The following TET3 variants were observed in gnomAD, a reference collection of about 807,000 sequenced individuals.
The protein encoded by TET3 is methylcytosine dioxygenase TET3.
TET3 carries 19 observed loss-of-function variants against 141.4 expected under a neutral mutation model. The observed-to-expected ratio is 0.13, with a 90% CI of 0.09 to 0.20. TET3 has a LOEUF of 0.20. TET3 is among the 10% of genes least tolerant of loss of function. TET3 has a pLI of 1.00. For synonymous variants in TET3, 1,043 were observed against 980.9 expected (o/e 1.06, Z -1.18); for missense variants, 1,874 against 2,356.9 (o/e 0.80, Z 4.24).
chr2:74,110,623 C>A (rs897501464), downstream of TET3, among the ~76,000 whole-genome samples: 2 of 152,028 alleles, frequency 1.3e-5, no homozygotes, highest in African/African-American at 2.4e-5. Flanking sequence ...ATTCTAGATA[C>A]CCCCCAGCAC....
intron 3 of TET3, among the ~76,000 whole-genome samples, chr2:74,035,539 C>A (rs1390159415): frequency 4.7e-5 from 7 of 150,396 alleles, no homozygotes; most frequent in Admixed American, 4.0e-4. Flanking sequence ...GCAGCTTGAC[C>A]AACATGGTGA....
intron 6 of TET3, among the ~76,000 whole-genome samples, chr2:74,083,917 G>C (rs1008276544): frequency 6.6e-6 from 1 of 152,126 alleles, no homozygotes; most frequent in Non-Finnish European, 1.5e-5. Context: ...ATAGTGCCTC[G>C]CAAACCCTAG....
Position 73,989,677 on chromosome 2 carries a change from G to C in TET3, c.303+2971G>C, listed in dbSNP as rs560509641. Reference sequence around the variant, plus strand: ...CTCTGGGTCCTAATGTGAGGTTGGGGCAGGTTGGTAGTAGCTGTGGTCTTC... The same window carrying C: ...CTCTGGGTCCTAATGTGAGGTTGGGCCAGGTTGGTAGTAGCTGTGGTCTTC... On this transcript the variant is annotated intron_variant, in intron 2 of 11. Coordinates refer to ENST00000409262, the MANE Select transcript of TET3 (RefSeq NM_001287491.2). Among the ~76,000 whole-genome samples the C allele has an allele frequency of 2.2e-4, 33 of 152,262 alleles. 2 individuals are homozygous for C. In the South Asian group the frequency reaches 6.8e-3, roughly 32 times the overall value.
In TET3 at chr2:74,100,510, C is replaced by T. The variant is rs773936903; in HGVS notation, c.3722C>T (p.Ser1241Leu). 13 of 1,606,780 alleles carry T rather than the reference C, an allele frequency of 8.1e-6. No individual in the cohort carries two copies. The highest frequency in any genetic ancestry group is 1.0e-5 in the Non-Finnish European group (12 of 1,176,750). The change falls in exon 12 of 12, where the codon TCG becomes TTG. Residue 1241 changes from serine (S) to leucine (L), a missense_variant. Ser to Leu is a moderately radical substitution (Grantham distance 145). Transcript: ENST00000409262. ...GGCAACGCGGTGGTGGAGAGCTACT[C>T]GGTGCTGGGCAACTGCCGGCCCTCC... ...YSGNAVVESY[S>L]VLGNCRPSDP...
At chr2:74,036,572 G>A (rs958822015) in intron 3 of TET3, among the ~76,000 whole-genome samples, 2 of 152,264 alleles carry the variant, frequency 1.3e-5, no homozygotes, top group East Asian at 3.9e-4. Flanking sequence ...AAAAATGGCT[G>A]TGCTCTTCCA....
intron 4 of TET3, among the ~76,000 whole-genome samples, chr2:74,070,519 G>A (rs930997481): frequency 1.2e-4 from 18 of 152,288 alleles, no homozygotes; most frequent in African/African-American, 9.6e-5. Context: ...TATCATCTGC[G>A]CTGTGCTGCT....
rs148646838 is a variant in TET3 at position 74,047,617 on chromosome 2, T to C, written c.1700T>C (p.Val567Ala). The change falls in exon 4 of 12, where the codon GTC becomes GCC. Residue 567 changes from valine to alanine, a missense_variant. Coordinates refer to ENST00000409262, the MANE Select transcript of TET3 (RefSeq NM_001287491.2). ...TGGTGGCCCCCACCAAGTTCACCTG[T>C]CCCACGGCTTCCAGACAGACCACCC... Reference protein sequence around the residue: ...PGWWPPPSSPVPRLPDRPPKE... With the variant: ...PGWWPPPSSPAPRLPDRPPKE... 1.3e-3 allele frequency: 2,075 copies of C among 1,613,632 alleles called. 29 individuals are homozygous for C. The African/African-American group carries it at 0.024, about 18-fold the overall frequency.
chr2:74,026,300 G>T (rs369910702), intron 3 of TET3, among the ~76,000 whole-genome samples: 6 of 152,184 alleles, frequency 3.9e-5, no homozygotes, highest in Non-Finnish European at 5.9e-5. Flanking sequence ...GGGCCCAGCC[G>T]CTGCTTTCTG....
chr2:74,090,127 G>C (rs1690395409), intron 8 of TET3, 80 bp downstream of exon 8: 1 of 1,564,680 alleles, frequency 6.4e-7, no homozygotes, highest in Non-Finnish European at 8.7e-7. Context: ...AGGTAGTACT[G>C]GCACGCCATG....
intron 3 of TET3, among the ~76,000 whole-genome samples, chr2:74,007,138 T>C (rs1685193102): frequency 6.6e-6 from 1 of 152,214 alleles, no homozygotes; most frequent in African/African-American, 2.4e-5. Context: ...TACCTGAAAT[T>C]ATAACTCTTG....
intron 3 of TET3, among the ~76,000 whole-genome samples, chr2:74,042,917 TTTCCC>T (rs1431212216): frequency 1.3e-5 from 2 of 152,236 alleles, no homozygotes; most frequent in Non-Finnish European, 2.9e-5. Flanking sequence ...TACATCTACT[TTTCCC>T]TTTCTCCTCT....
chr2:74,018,809 G>T (rs895421260), intron 3 of TET3, among the ~76,000 whole-genome samples: 1 of 148,500 alleles, frequency 6.7e-6, no homozygotes, highest in Non-Finnish European at 1.5e-5. Flanking sequence ...CATGTTCTGC[G>T]AAAAATACTG....
chr2:74,009,770 T>TAG (rs1685330024), intron 3 of TET3, among the ~76,000 whole-genome samples: 1 of 152,224 alleles, frequency 6.6e-6, no homozygotes, highest in Non-Finnish European at 1.5e-5. Context: ...CCCAGGGCTC[T>TAG]ATGTCAATCA....
At chr2:74,069,677 C>A (rs1280275118) in intron 4 of TET3, among the ~76,000 whole-genome samples, 2 of 151,884 alleles carry the variant, frequency 1.3e-5, no homozygotes, top group African/African-American at 2.4e-5. Context: ...GCCTTGAACT[C>A]CTGGTATCAA....
chr2:74,115,342 T>G, the TET3 span, among the ~76,000 whole-genome samples: 1 of 152,232 alleles, frequency 6.6e-6, no homozygotes, highest in Non-Finnish European at 1.5e-5. Context: ...TACCACATGT[T>G]CTCACTTATA....
chr2:74,027,302 G>C (rs541404073), intron 3 of TET3, among the ~76,000 whole-genome samples: 55 of 150,304 alleles, frequency 3.7e-4, no homozygotes, highest in African/African-American at 1.2e-3. Context: ...TAGCCTTTTA[G>C]ACTTTCGGGG....
At chr2:74,100,246 G>A in intron 11 of TET3, 147 bp from the exon 12 acceptor site, 3 of 855,880 alleles carry the variant, frequency 3.5e-6, no homozygotes, top group Non-Finnish European at 3.6e-6. Flanking sequence ...GTTCTGGGCT[G>A]GACATGCCTC....
intron 4 of TET3, among the ~76,000 whole-genome samples, chr2:74,069,277 AGG>A (rs1689073970): frequency 6.6e-6 from 1 of 151,146 alleles, no homozygotes; most frequent in Non-Finnish European, 1.5e-5. Flanking sequence ...CCCTATTGAT[AGG>A]AAATGCCATT....
At chr2:74,120,432 G>T in the TET3 span, among the ~76,000 whole-genome samples, 1 of 152,242 alleles carries the variant, frequency 6.6e-6, no homozygotes. Flanking sequence ...CGCCCCGGCC[G>T]CTCCACACAC....
Sources: gnomAD v4.1 joint callset for allele counts (sites outside exome capture counted in the v4.1 genomes callset) on GRCh38, gnomAD v4.1.1 for gene constraint, MANE v1.5 for transcripts, NCBI Gene and HGNC (gene_info 2026-07-23, HGNC 2026-07-21) for gene names.